Variants in SEMA5A observed in about 807,000 individuals in gnomAD.
SEMA5A encodes the protein semaphorin 5A, also known as semaphorin-5A.
Under a neutral mutation model 135.5 loss-of-function variants are expected in SEMA5A, and 55 were observed. The observed-to-expected ratio is 0.41, with a 90% CI of 0.33 to 0.51. The LOEUF (loss-of-function observed/expected upper bound fraction) is 0.51, where lower values mean the gene tolerates loss of function less well. SEMA5A is among the 20% of genes least tolerant of loss of function. SEMA5A has a pLI of 0.37. For synonymous variants in SEMA5A, 580 were observed against 546.5 expected (o/e 1.06, Z -0.85); for missense variants, 1,290 against 1,419.9 (o/e 0.91, Z 1.47).
chr5:9,360,158 A>C (rs1366563911), intron 3 of SEMA5A, among the ~76,000 whole-genome samples: 1 of 152,212 alleles, frequency 6.6e-6, no homozygotes, highest in Non-Finnish European at 1.5e-5. Flanking sequence ...CCTCTGCAGT[A>C]GGTCATCCTA....
chr5:9,436,823 A>G (rs1758049210), intron 2 of SEMA5A, among the ~76,000 whole-genome samples: 1 of 152,116 alleles, frequency 6.6e-6, no homozygotes, highest in South Asian at 2.1e-4. Flanking sequence ...CCTCTCTTCT[A>G]GCCTTCCCAG....
intron 1 of SEMA5A, among the ~76,000 whole-genome samples, chr5:9,488,217 G>A (rs373373424): frequency 6.6e-6 from 1 of 152,102 alleles, no homozygotes; most frequent in Non-Finnish European, 1.5e-5. Flanking sequence ...TTGGCTTCTC[G>A]AGTTTCAGGC....
rs774417996 is a variant in SEMA5A, at chr5:9,066,633, C to A, written c.2087G>T (p.Cys696Phe). ...CAGCTCAGGACACGGGTTGGTGTTG[C>A]AAGACTGGTACTCCTGGGGAGAATG... is the stretch of plus-strand genomic sequence containing the variant. Reference protein sequence around the residue: ...CAGCNVEYQSCNTNPCPELKK... With the variant: ...CAGCNVEYQSFNTNPCPELKK... Residue 696 changes from cysteine to phenylalanine, a missense_variant, in exon 17 of 23, where the codon TGC (cysteine) becomes TTC (phenylalanine). By Grantham distance (205) the Cys-to-Phe change is radical. This residue lies in a region of SEMA5A where 1,029 missense variants were observed against 1,086.6 expected (regional missense o/e 0.95). Transcript: ENST00000382496. The A allele has an allele frequency of 6.2e-7, 1 of 1,613,912 alleles. No homozygotes were observed. The highest frequency in any genetic ancestry group is 1.3e-5 in the African/African-American group (1 of 74,884).
intron 5 of SEMA5A, among the ~76,000 whole-genome samples, chr5:9,306,848 T>C (rs1313735768): frequency 6.6e-6 from 1 of 152,228 alleles, no homozygotes; most frequent in African/African-American, 2.4e-5. Context: ...ATAGGTTCCC[T>C]TCATCTTGAA....
chr5:9,247,684 A>G (rs1748549762), intron 5 of SEMA5A, among the ~76,000 whole-genome samples: 1 of 152,094 alleles, frequency 6.6e-6, no homozygotes, highest in African/African-American at 2.4e-5. Context: ...ATATTGATCT[A>G]TTTTCCAGAT....
intron 2 of SEMA5A, among the ~76,000 whole-genome samples, chr5:9,436,535 G>T (rs1263805602): frequency 6.6e-6 from 1 of 152,192 alleles, no homozygotes; most frequent in Non-Finnish European, 1.5e-5. Flanking sequence ...CATAGACGAA[G>T]CCAGGGACTG....
At chr5:9,182,591 G>T (rs1245340038) in intron 11 of SEMA5A, among the ~76,000 whole-genome samples, 1 of 151,920 alleles carries the variant, frequency 6.6e-6, no homozygotes, top group Non-Finnish European at 1.5e-5. Context: ...TTCATTGAGG[G>T]TGACATCTGC....
At chr5:9,196,092 T>C (rs908239139) in intron 10 of SEMA5A, among the ~76,000 whole-genome samples, 7 of 152,200 alleles carry the variant, frequency 4.6e-5, no homozygotes, top group Non-Finnish European at 1.0e-4. Context: ...TAGCACAGGG[T>C]CTGGGACTTG....
chr5:9,382,617 G>A (rs1167574378), intron 2 of SEMA5A, among the ~76,000 whole-genome samples: 1 of 152,180 alleles, frequency 6.6e-6, no homozygotes, highest in East Asian at 1.9e-4. Flanking sequence ...CATGGAAGTT[G>A]GCTCAATATG....
chr5:9,258,252 A>C (rs1381792356), intron 5 of SEMA5A, among the ~76,000 whole-genome samples: 2 of 152,228 alleles, frequency 1.3e-5, no homozygotes, highest in African/African-American at 4.8e-5. Flanking sequence ...ATTTTCATGT[A>C]AGTTCTTAAA....
chr5:9,419,597 T>C (rs772056136), intron 2 of SEMA5A, among the ~76,000 whole-genome samples: 3 of 152,176 alleles, frequency 2.0e-5, no homozygotes, highest in Non-Finnish European at 4.4e-5. Flanking sequence ...CTCTTCTGAT[T>C]GTGTGCAAAC....
rs1743461885 is a variant in SEMA5A at position 9,164,112 on chromosome 5, ATTATAAATATAT to A, written c.1274-9429_1274-9418del. Among the ~76,000 whole-genome samples the A allele has an allele frequency of 2.7e-5, 3 of 112,706 alleles. No homozygotes were observed. The East Asian group carries it at 7.9e-4, about 30-fold the overall frequency. 73.9% of individuals were successfully genotyped at this position (112,706 alleles called of 152,430 possible). A position where few individuals can be genotyped will look rare whatever the true frequency, so the allele number is the denominator to read the frequency against. On this transcript the variant is annotated intron_variant, in intron 11 of 22. Transcript: ENST00000382496. The stretch of plus-strand genomic sequence containing the variant: ...AATATATCATATAAATATTTATATA[ATTATAAATATAT>A]CATATAAATATTTATATAATTATAA...
chr5:9,369,527 G>A (rs987912386), intron 3 of SEMA5A, among the ~76,000 whole-genome samples: 11 of 152,244 alleles, frequency 7.2e-5, no homozygotes, highest in Admixed American at 7.2e-4. Context: ...TATATTGTGT[G>A]AAGCAATATT....
At chr5:9,408,035 T>C (rs1485922201) in intron 2 of SEMA5A, among the ~76,000 whole-genome samples, 1 of 127,126 alleles carries the variant, frequency 7.9e-6, no homozygotes, top group Admixed American at 7.5e-5. Context: ...ACCACCATCA[T>C]TACCATCACT....
chr5:9,306,044 T>C (rs562886618), intron 5 of SEMA5A, among the ~76,000 whole-genome samples: 9 of 152,348 alleles, frequency 5.9e-5, no homozygotes, highest in Admixed American at 1.3e-4. Context: ...CTGAAGGTTA[T>C]GTCTTTTTCT....
chr5:9,346,654 G>A (rs1377380073), intron 3 of SEMA5A, among the ~76,000 whole-genome samples: 3 of 152,140 alleles, frequency 2.0e-5, no homozygotes, highest in Admixed American at 1.3e-4. Context: ...GAACACGGAG[G>A]GTCTGAGTCA....
chr5:9,466,394 AAAAAG>A (rs1222041484), intron 1 of SEMA5A, among the ~76,000 whole-genome samples: 46 of 151,842 alleles, frequency 3.0e-4, no homozygotes, highest in Middle Eastern at 6.8e-3. Flanking sequence ...AAAAAAAAAA[AAAAAG>A]AAAAGTCCCC....
chr5:9,281,523 C>T (rs1421805576), intron 5 of SEMA5A, among the ~76,000 whole-genome samples: 5 of 152,164 alleles, frequency 3.3e-5, no homozygotes, highest in African/African-American at 4.8e-5. Context: ...CGTAAAAAGT[C>T]AACTGTGCCA....
At chr5:9,217,535 C>G (rs1319858555) in intron 8 of SEMA5A, among the ~76,000 whole-genome samples, 1 of 152,176 alleles carries the variant, frequency 6.6e-6, no homozygotes, top group East Asian at 1.9e-4. Flanking sequence ...GACTTTTGGC[C>G]TCTCTAGCAA....
Sources: gnomAD v4.1 joint callset for allele counts (sites outside exome capture counted in the v4.1 genomes callset) on GRCh38, gnomAD v4.1.1 for gene constraint, gnomAD v4.1.1 regional missense constraint, MANE v1.5 for transcripts, NCBI Gene and HGNC (gene_info 2026-07-23, HGNC 2026-07-21) for gene names.